SCN4A: variants seen among roughly 807,000 people sequenced by gnomAD.
The protein encoded by SCN4A is sodium voltage-gated channel alpha subunit 4.
A neutral mutation model predicts 162.0 loss-of-function variants in SCN4A; 83 were observed. That is an observed-to-expected ratio of 0.51 (90% CI 0.43 to 0.61). The LOEUF (loss-of-function observed/expected upper bound fraction) is 0.61. Among genes scored for constraint, SCN4A ranks in the 20% least tolerant of loss-of-function variants. The pLI is 0.00. For missense variants in SCN4A, 2,196 were observed against 2,462.5 expected, an observed-to-expected ratio of 0.89 and a Z score of 2.29; for synonymous variants, 944 against 985.1, an observed-to-expected ratio of 0.96 and a Z score of 0.78.
At chr17:63,949,265 A>T in intron 15 of SCN4A, 128 bp downstream of exon 15, 2 of 987,398 alleles carry the variant, frequency 2.0e-6, no homozygotes, top group African/African-American at 1.6e-5. Context: ...CACCACCCCT[A>T]GACACGTGAG....
At chr17:63,947,019 A>ACC in intron 18 of SCN4A, 26 bp downstream of exon 18, 1 of 778,946 alleles carries the variant, frequency 1.3e-6, no homozygotes, top group Non-Finnish European at 2.0e-6. Flanking sequence ...TCCCCAGCCC[A>ACC]CCCCAGAGGC....
At chr17:63,947,726 C>G (rs541987273) in intron 17 of SCN4A, among the ~76,000 whole-genome samples, 164 bp downstream of exon 17, 1 of 152,380 alleles carries the variant, frequency 6.6e-6, no homozygotes, top group South Asian at 2.1e-4. Context: ...CAGTCCCTAA[C>G]CCCTCCCTGG....
In SCN4A at chr17:63,959,342, T is replaced by C; in HGVS notation, c.1942A>G (p.Ile648Val). 2 of 1,613,960 alleles carry C rather than the reference T, an allele frequency of 1.2e-6. No homozygotes were observed. The highest frequency in any genetic ancestry group is 1.7e-6 in the Non-Finnish European group (2 of 1,179,868). Residue 648 changes from isoleucine (I) to valine (V), a missense_variant, in exon 12 of 24, where the codon ATC (isoleucine) becomes GTC (valine). Transcript: ENST00000435607. Reference sequence around the variant, plus strand: ...TCTACCAGGCTGAGGGTGACGATGATGCTGTCGAAGATATTCCAACCCTGC... The same window carrying C: ...TCTACCAGGCTGAGGGTGACGATGACGCTGTCGAAGATATTCCAACCCTGC... ...FQQGWNIFDS[I>V]IVTLSLVELG...
rs890808820 is a variant in SCN4A at position 63,972,353 on chromosome 17, C to T, written c.391G>A (p.Ala131Thr). 1 of 1,613,400 alleles carries T rather than the reference C, an allele frequency of 6.2e-7. No homozygotes were observed. The highest frequency in any genetic ancestry group is 1.3e-5 in the African/African-American group (1 of 75,028). Residue 131 changes from alanine to threonine, a missense_variant and splice_region_variant, in exon 2 of 24, where the codon GCG (alanine) becomes ACG (threonine). Coordinates refer to ENST00000435607, the MANE Select transcript of SCN4A (RefSeq NM_000334.4). This position sits in a 1 kb window ranked among gnomAD's most constrained non-coding sequence, Gnocchi z 4.3. ...RRGAIKVLIH[A>T]LFSMFIMITI... ...CCTCTCCCATCTTGGGCAGGATATG[C>T]ATGGATGAGCACCTTGATGGCCCCG...
At position 63,947,045 on chromosome 17, in the gene SCN4A, C is replaced by A. The variant is rs1465794428; in HGVS notation, c.3441G>T (p.Arg1147Ser). ...LRALSRFEGMRVVVNALLGAI... is the reference protein window; with the variant it reads ...LRALSRFEGMSVVVNALLGAI... ...CCCCAGAGGCCCCTTCAGCACCCAC[C>A]CTCATGCCCTCGAATCGGGACAGTG... is the stretch of plus-strand genomic sequence containing the variant. The change falls in exon 18 of 24, where the codon AGG (arginine) becomes AGT (serine). Residue 1147 changes from arginine to serine, a missense_variant and splice_region_variant. Arg to Ser is a moderately radical substitution (Grantham distance 110). Transcript: ENST00000435607. 2 of 1,612,032 alleles carry A rather than the reference C, an allele frequency of 1.2e-6. No homozygotes were observed. Among genetic ancestry groups the A allele is most frequent in the Middle Eastern group, 1.7e-4 (1 of 5,848 alleles).
rs1459693919 is a variant in SCN4A, at chr17:63,968,335, C to A, written c.724G>T (p.Ala242Ser). 2.5e-6 allele frequency: 4 copies of A among 1,601,184 alleles called. No individual in the cohort carries two copies. The highest frequency in any genetic ancestry group is 3.4e-6 in the Non-Finnish European group (4 of 1,171,426). The part of the protein sequence containing the change: ...VIPGLKTIVG[A>S]LIQSVKKLSD... ...AGCTTTTTCACCGACTGGATCAGGG[C>A]CCCCACGATCGTCTTCAGCCCTGAC... Residue 242 changes from alanine to serine, a missense_variant, in exon 6 of 24, where the codon GCC becomes TCC. Transcript: ENST00000435607.
At chr17:63,961,499 A>G (rs1479662716) in intron 10 of SCN4A, 68 bp from the exon 11 acceptor site, 5 of 1,189,702 alleles carry the variant, frequency 4.2e-6, no homozygotes, top group African/African-American at 3.0e-5. Context: ...CTCCAGCTAG[A>G]GCTTTTGTTC....
Position 63,948,619 on chromosome 17 carries a change from C to G in SCN4A, c.3136G>C (p.Gly1046Arg). ...FIVFMILLSS[G>R]ALAFEDIYIE... is the part of the protein sequence containing the mutation. ...TCCCAGGCAGTGCCTACCAGAGCCC[C>G]ACTGCTGAGCAGGATCATGAAGACA... The change falls in exon 16 of 24, where the codon GGG becomes CGG. Residue 1046 changes from glycine (G) to arginine (R), a missense_variant. Gly to Arg is a moderately radical substitution (Grantham distance 125). Transcript: ENST00000435607. The G allele has an allele frequency of 6.2e-7, 1 of 1,613,474 alleles. No individual in the cohort carries two copies. Among genetic ancestry groups the G allele is most frequent in the Non-Finnish European group, 8.5e-7 (1 of 1,179,652 alleles).
At position 63,950,411 on chromosome 17, in the gene SCN4A, C is replaced by T. The variant is rs1567820303; in HGVS notation, c.2854-883G>A. ...CCTAAATCTCCCTTGGAGTTGTGCTCGCCCTCCTTGAACAAGTCCCCAGGC... is the reference window on the plus strand; with the variant it reads ...CCTAAATCTCCCTTGGAGTTGTGCTTGCCCTCCTTGAACAAGTCCCCAGGC... On this transcript the variant is annotated intron_variant, in intron 14 of 23. Transcript: ENST00000435607. This position sits in a 1 kb window ranked among gnomAD's most constrained non-coding sequence, Gnocchi z 4.6. 1.3e-5 allele frequency among the ~76,000 whole-genome samples: 2 copies of T among 152,154 alleles called. No homozygotes were observed. Among genetic ancestry groups the T allele is most frequent in the Non-Finnish European group, 2.9e-5 (2 of 68,008 alleles).
At chr17:63,967,541 C>G (rs925578098) in intron 6 of SCN4A, among the ~76,000 whole-genome samples, 18 of 152,046 alleles carry the variant, frequency 1.2e-4, no homozygotes, top group African/African-American at 4.3e-4. Flanking sequence ...GGTGAGGATT[C>G]GGAGGGCTGG....
In SCN4A at chr17:63,945,192, C is replaced by T; in HGVS notation, c.3721-132G>A. 8 of 1,057,856 alleles carry T rather than the reference C, an allele frequency of 7.6e-6. No individual in the cohort carries two copies. The highest frequency in any genetic ancestry group is 1.1e-5 in the Non-Finnish European group (8 of 711,790). The allele number at this position is 1,057,856 out of a possible 1,614,324, so 65.5% of individuals were successfully genotyped here. A position where few individuals can be genotyped will look rare whatever the true frequency, so the allele number is the denominator to read the frequency against. On this transcript the variant is annotated intron_variant, in intron 19 of 23. Coordinates refer to ENST00000435607, the MANE Select transcript of SCN4A (RefSeq NM_000334.4). The surrounding 1 kb of genome is among the most constrained non-coding windows in gnomAD (Gnocchi z 4.4). The stretch of plus-strand genomic sequence containing the variant: ...TGCCAGAGCCCCACTGGGCTAGCAT[C>T]AAATAAAGACCAGAGAGGTCTAGAC...
At chr17:63,953,098 C>T (rs1277467193) in intron 13 of SCN4A, among the ~76,000 whole-genome samples, 1 of 152,168 alleles carries the variant, frequency 6.6e-6, no homozygotes, top group Non-Finnish European at 1.5e-5. Flanking sequence ...CAGTGGCTCA[C>T]ACCTATAATC....
At chr17:63,955,055 A>G (rs1466207750) in intron 13 of SCN4A, among the ~76,000 whole-genome samples, 2 of 152,200 alleles carry the variant, frequency 1.3e-5, no homozygotes, top group African/African-American at 4.8e-5. Flanking sequence ...TAAATGCTAA[A>G]TAAATGTCAG....
chr17:63,949,032 G>A (rs1908820655), intron 15 of SCN4A, among the ~76,000 whole-genome samples: 1 of 152,042 alleles, frequency 6.6e-6, no homozygotes, highest in Non-Finnish European at 1.5e-5. Flanking sequence ...CCCCAGTGCT[G>A]CCCCACCCCC....
Position 63,945,732 on chromosome 17 carries a change from G to A in SCN4A, c.3442-94C>T, listed in dbSNP as rs1264840246. On this transcript the variant is annotated intron_variant, in intron 18 of 23. Transcript: ENST00000435607. The surrounding 1 kb of genome is among the most constrained non-coding windows in gnomAD (Gnocchi z 4.4). ...CACCCAGGGGACCAGGCAGAGCTGG[G>A]CATTGTCAATTAGGGAGGGCTTCCT... 5.0e-6 allele frequency: 7 copies of A among 1,403,370 alleles called. No homozygotes were observed. The Admixed American group carries it at 7.1e-5, about 14-fold the overall frequency. The allele number at this position is 1,403,370 out of a possible 1,614,324, so 86.9% of individuals were successfully genotyped here. A position where few individuals can be genotyped will look rare whatever the true frequency, so the allele number is the denominator to read the frequency against.
At chr17:63,943,936 C>T in intron 21 of SCN4A, 86 bp from the exon 22 acceptor site, 1 of 807,802 alleles carries the variant, frequency 1.2e-6, no homozygotes, top group Non-Finnish European at 2.1e-6. Context: ...GGCACCTCAC[C>T]TTTAAGGCAG....
chr17:63,968,180 C>T lies in SCN4A; in HGVS notation c.879G>A (p.Thr293=), dbSNP rs780568994. The part of the protein sequence containing the change: ...WPPPFNDTNT[T]WYSNDTWYGN... ...CGTACCACGTGTCATTGCTGTACCA[C>T]GTGGTGTTGGTGTCGTTGAACGGCG... The change falls in exon 6 of 24, where the codon ACG becomes ACA. Residue 293 remains threonine, a synonymous_variant. Transcript: ENST00000435607. 41 of 1,613,994 alleles carry T rather than the reference C, an allele frequency of 2.5e-5. No individual in the cohort carries two copies. In the South Asian group the frequency reaches 3.5e-4, roughly 14 times the overall value.
chr17:63,946,917 G>A, intron 18 of SCN4A, 128 bp downstream of exon 18: 2 of 931,468 alleles, frequency 2.1e-6, no homozygotes, highest in Admixed American at 2.4e-5. Context: ...CCTCAGGCAG[G>A]GCCGTGGGTC....
At chr17:63,961,463 A>G (rs775917018) in intron 10 of SCN4A, 32 bp from the exon 11 acceptor site, 5 of 1,521,360 alleles carry the variant, frequency 3.3e-6, no homozygotes, top group Non-Finnish European at 2.7e-6. Flanking sequence ...GTATCTGGTG[A>G]GGATTATCCC....
Sources: gnomAD v4.1 joint callset for allele counts (sites outside exome capture counted in the v4.1 genomes callset) on GRCh38, gnomAD v4.1.1 for gene constraint, Gnocchi (gnomAD v3.1) non-coding constraint, MANE v1.5 for transcripts, NCBI Gene and HGNC (gene_info 2026-07-23, HGNC 2026-07-21) for gene names.